PDE10A: variants seen among roughly 807,000 people sequenced by gnomAD.
The protein encoded by PDE10A is cAMP and cAMP-inhibited cGMP 3',5'-cyclic phosphodiesterase 10A.
A neutral mutation model predicts 97.7 loss-of-function variants in PDE10A; 39 were observed. The observed-to-expected ratio is 0.40, with a 90% confidence interval of 0.31 to 0.52. The LOEUF is 0.52. PDE10A is among the 20% of genes least tolerant of loss of function. PDE10A has a pLI of 0.56. For missense variants in PDE10A, 731 were observed against 1,047.8 expected, an observed-to-expected ratio of 0.70 and a Z score of 4.17; for synonymous variants, 371 against 376.8, an observed-to-expected ratio of 0.98 and a Z score of 0.18.
chr6:165,748,262 A>G (rs911164731), intron 1 of PDE10A, among the ~76,000 whole-genome samples: 2 of 152,142 alleles, frequency 1.3e-5, no homozygotes, highest in African/African-American at 2.4e-5. Flanking sequence ...TTGTTTAGGT[A>G]CTTGGAGTGC....
At chr6:165,552,901 G>C (rs578071559) in intron 1 of PDE10A, among the ~76,000 whole-genome samples, 34 of 152,246 alleles carry the variant, frequency 2.2e-4, no homozygotes, top group African/African-American at 8.2e-4. Flanking sequence ...GAGTGCTATA[G>C]GTTTGTTTGC....
At chr6:165,798,156 T>G (rs1778878465) in intron 1 of PDE10A, among the ~76,000 whole-genome samples, 1 of 152,242 alleles carries the variant, frequency 6.6e-6, no homozygotes, top group Non-Finnish European at 1.5e-5. Context: ...CTTAAGATCT[T>G]ACTAACACCA....
At position 165,425,060 on chromosome 6, in the gene PDE10A, T is replaced by C. The variant is rs188268373; in HGVS notation, c.1653+3598A>G. Among the ~76,000 whole-genome samples the C allele has an allele frequency of 4.5e-3, 679 of 152,254 alleles. 2 individuals are homozygous for C. The highest frequency in any genetic ancestry group is 6.8e-3 in the Non-Finnish European group (459 of 67,978). On this transcript the variant is annotated intron_variant, in intron 10 of 21. Coordinates refer to ENST00000539869, the MANE Select transcript of PDE10A (RefSeq NM_001385079.1). Reference sequence around the variant, plus strand: ...ACAGTGTTCATTAGGTTCCAGCTAATACATTAACAAACACAAAGAAATAAG... The same window carrying C: ...ACAGTGTTCATTAGGTTCCAGCTAACACATTAACAAACACAAAGAAATAAG...
chr6:165,979,628 C>T (rs527949111), intron 1 of PDE10A, among the ~76,000 whole-genome samples: 1 of 152,232 alleles, frequency 6.6e-6, no homozygotes, highest in South Asian at 2.1e-4. Context: ...CCATTAGGTG[C>T]CAGGTACACT....
rs554442451 is a variant in PDE10A at position 165,552,942 on chromosome 6, C to T, written c.866-9374G>A. On this transcript the variant is annotated intron_variant, in intron 1 of 21. Transcript: ENST00000539869. ...ACGGCCCAGTTCACAAGATCACAGA[C>T]GGACCCACCAGGAATCCCAAATCCT... 1.3e-3 allele frequency among the ~76,000 whole-genome samples: 205 copies of T among 152,264 alleles called. 1 individual carries two copies. Among genetic ancestry groups the T allele is most frequent in the African/African-American group, 4.7e-3 (196 of 41,552 alleles).
intron 1 of PDE10A, among the ~76,000 whole-genome samples, chr6:165,557,720 T>C (rs1314580932): frequency 1.3e-5 from 2 of 152,208 alleles, no homozygotes; most frequent in East Asian, 3.8e-4. Context: ...TATAAAAGGA[T>C]ATTACTATTT....
chr6:165,442,888 C>T lies in PDE10A; in HGVS notation c.1194+6040G>A, dbSNP rs140162020. 5.3e-4 allele frequency among the ~76,000 whole-genome samples: 81 copies of T among 152,088 alleles called. No homozygotes were observed. The East Asian group carries it at 0.014, about 27-fold the overall frequency. ...AATGGGGAGGCTAAGGCGGGTGGAT[C>T]GACTGAGGTCAGGGGTTTGAGACCA... is the stretch of plus-strand genomic sequence containing the variant. On this transcript the variant is annotated intron_variant, in intron 5 of 21. Transcript: ENST00000539869.
chr6:165,845,184 T>C (rs1027036149), intron 1 of PDE10A, among the ~76,000 whole-genome samples: 10 of 152,218 alleles, frequency 6.6e-5, no homozygotes, highest in Non-Finnish European at 1.0e-4. Context: ...ATGTGTGTGA[T>C]GAAAAACGGT....
chr6:165,533,445 T>C (rs1374535670), intron 2 of PDE10A, among the ~76,000 whole-genome samples: 1 of 152,098 alleles, frequency 6.6e-6, no homozygotes, highest in Non-Finnish European at 1.5e-5. Context: ...TATAATACAA[T>C]GGTAAGTATC....
At chr6:165,935,888 C>A (rs1426537427) in intron 1 of PDE10A, among the ~76,000 whole-genome samples, 1 of 152,198 alleles carries the variant, frequency 6.6e-6, no homozygotes, top group South Asian at 2.1e-4. Context: ...GATACAGCCC[C>A]TCGCTCTTGG....
chr6:165,503,707 C>G (rs2128296536), intron 2 of PDE10A, among the ~76,000 whole-genome samples: 1 of 152,242 alleles, frequency 6.6e-6, no homozygotes, highest in East Asian at 1.9e-4. Context: ...ACTCTTAGAT[C>G]AACCAACTCT....
intron 13 of PDE10A, among the ~76,000 whole-genome samples, chr6:165,402,424 T>G (rs962154265): frequency 1.3e-5 from 2 of 152,212 alleles, no homozygotes; most frequent in Admixed American, 1.3e-4. Flanking sequence ...TTAATATGAA[T>G]AGTAGAAAAT....
At chr6:165,745,739 A>G (rs921636194) in intron 1 of PDE10A, among the ~76,000 whole-genome samples, 1 of 152,220 alleles carries the variant, frequency 6.6e-6, no homozygotes, top group Non-Finnish European at 1.5e-5. Context: ...TGCAATCCTC[A>G]TAAGGACATG....
intron 1 of PDE10A, among the ~76,000 whole-genome samples, chr6:165,702,599 A>G (rs1274209587): frequency 2.0e-5 from 3 of 152,250 alleles, no homozygotes; most frequent in Non-Finnish European, 4.4e-5. Context: ...CTAATTCGCC[A>G]GGAACAGTGG....
At chr6:165,383,993 GA>G (rs1474254990) in intron 17 of PDE10A, among the ~76,000 whole-genome samples, 1 of 152,104 alleles carries the variant, frequency 6.6e-6, no homozygotes, top group Non-Finnish European at 1.5e-5. Flanking sequence ...TACAGAAGCA[GA>G]GCAGATCTGT....
intron 1 of PDE10A, among the ~76,000 whole-genome samples, chr6:165,747,663 C>A (rs1436594713): frequency 6.6e-6 from 1 of 151,878 alleles, no homozygotes; most frequent in African/African-American, 2.4e-5. Flanking sequence ...CACCTGAAGG[C>A]AGAAAGAAAA....
intron 8 of PDE10A, among the ~76,000 whole-genome samples, chr6:165,430,939 G>C (rs1241143669): frequency 6.6e-6 from 1 of 152,066 alleles, no homozygotes; most frequent in East Asian, 1.9e-4. Context: ...CCATGTTCTT[G>C]AACTTTAAAG....
chr6:165,849,318 T>G (rs1333585202), intron 1 of PDE10A, among the ~76,000 whole-genome samples: 2 of 152,208 alleles, frequency 1.3e-5, no homozygotes, highest in Non-Finnish European at 2.9e-5. Context: ...ACATTGCTGT[T>G]ATCGAACCCA....
intron 18 of PDE10A, among the ~76,000 whole-genome samples, chr6:165,344,983 A>G (rs1782212079): frequency 1.3e-5 from 2 of 152,288 alleles, no homozygotes; most frequent in South Asian, 4.1e-4. Context: ...TGTCTTGAAG[A>G]TATTTATTTT....
Sources: allele counts gnomAD v4.1 joint callset (sites outside exome capture counted in the v4.1 genomes callset), GRCh38; gene constraint gnomAD v4.1.1; transcripts MANE v1.5; gene names NCBI Gene and HGNC (gene_info 2026-07-23, HGNC 2026-07-21).